The following BTRC variants were observed in gnomAD, a reference collection of about 807,000 sequenced individuals.
The protein encoded by BTRC is F-box/WD repeat-containing protein 1A.
In BTRC, 42 loss-of-function variants were observed where a neutral mutation model predicts 85.5. The observed-to-expected ratio is 0.49, with a 90% CI of 0.38 to 0.64. BTRC has a LOEUF of 0.64. BTRC is among the 30% of genes least tolerant of loss of function. The pLI is 0.00. For missense variants in BTRC, 594 were observed against 743.5 expected, an observed-to-expected ratio of 0.80 and a Z score of 2.34; for synonymous variants, 255 against 263.3, an observed-to-expected ratio of 0.97 and a Z score of 0.30.
At chr10:101,410,794 A>G (rs1258655160) in intron 1 of BTRC, among the ~76,000 whole-genome samples, 1 of 152,088 alleles carries the variant, frequency 6.6e-6, no homozygotes, top group Non-Finnish European at 1.5e-5. Context: ...CTTTAACTTA[A>G]CACAGCCTGG....
chr10:101,532,487 C>G, intron 8 of BTRC, 55 bp downstream of exon 8: 4 of 1,523,786 alleles, frequency 2.6e-6, no homozygotes, highest in Non-Finnish European at 2.6e-6. Context: ...TGACCACATT[C>G]ATAGCGCAGT....
chr10:101,550,312 T>C (rs1448712922), intron 13 of BTRC, among the ~76,000 whole-genome samples: 1 of 151,868 alleles, frequency 6.6e-6, no homozygotes, highest in African/African-American at 2.4e-5. Context: ...TTAGACAGAG[T>C]CTCACTCTGT....
Position 101,554,120 on chromosome 10 carries a change from A to C in BTRC, c.*997A>C, listed in dbSNP as rs1041243180. ...CAATGGCTGCATCTTTTCTGGACTC[A>C]GCAGTCTCCTTGATTCCATGTAGAG... is the stretch of plus-strand genomic sequence containing the variant. On this transcript the variant is annotated 3_prime_UTR_variant, in exon 15 of 15. Coordinates refer to ENST00000370187, the MANE Select transcript of BTRC (RefSeq NM_033637.4). The C allele has an allele frequency of 5.3e-5, 8 of 152,248 alleles. No individual in the cohort carries two copies. The highest frequency in any genetic ancestry group is 7.3e-5 in the Non-Finnish European group (5 of 68,058). 9.4% of individuals were successfully genotyped at this position (152,248 alleles called of 1,614,324 possible). A position where few individuals can be genotyped will look rare whatever the true frequency, so the allele number is the denominator to read the frequency against.
chr10:101,404,002 G>GTGTA (rs1344147413), intron 1 of BTRC, among the ~76,000 whole-genome samples: 3 of 61,766 alleles, frequency 4.9e-5, no homozygotes, highest in African/African-American at 7.2e-5. Flanking sequence ...GTGTGTGTGT[G>GTGTA]TATATATATA....
chr10:101,425,534 A>G (rs1431212105), intron 1 of BTRC, among the ~76,000 whole-genome samples: 1 of 152,104 alleles, frequency 6.6e-6, no homozygotes, highest in Non-Finnish European at 1.5e-5. Context: ...GACTGCATGT[A>G]AGGAGTAGGT....
At chr10:101,358,808 A>G (rs955892300) in intron 1 of BTRC, among the ~76,000 whole-genome samples, 1 of 152,098 alleles carries the variant, frequency 6.6e-6, no homozygotes, top group Non-Finnish European at 1.5e-5. Context: ...TGGAAGTCCA[A>G]GAATGTCACT....
intron 1 of BTRC, among the ~76,000 whole-genome samples, chr10:101,385,486 T>C (rs945091098): frequency 2.0e-5 from 3 of 151,274 alleles, no homozygotes; most frequent in Non-Finnish European, 4.4e-5. Flanking sequence ...AAATGTATCA[T>C]TTGTCTTATC....
chr10:101,357,573 C>T (rs1414167001), intron 1 of BTRC, among the ~76,000 whole-genome samples: 1 of 151,994 alleles, frequency 6.6e-6, no homozygotes, highest in South Asian at 2.1e-4. Flanking sequence ...TGGTCTTAAC[C>T]TTTCCCTCAA....
rs191740404 is a variant in BTRC at position 101,479,962 on chromosome 10, T to G, written c.324+505T>G. Among the ~76,000 whole-genome samples, 37 of 152,324 alleles carry G rather than the reference T, an allele frequency of 2.4e-4. 1 individual carries two copies. Among genetic ancestry groups the G allele is most frequent in the Admixed American group, 2.3e-3 (35 of 15,306 alleles). On this transcript the variant is annotated intron_variant, in intron 4 of 14. Transcript: ENST00000370187. ...ATGTGTATGGGCTACCTCTTTTTCA[T>G]GTATATATGTCATCTCTATAGCCTA...
In BTRC at chr10:101,531,124, TCA is replaced by T. The variant is rs2062274112; in HGVS notation, c.744-109_744-108del. The T allele has an allele frequency of 3.7e-6, 3 of 818,204 alleles. No individual in the cohort carries two copies. The East Asian group carries it at 9.0e-5, about 25-fold the overall frequency. 50.7% of individuals were successfully genotyped at this position (818,204 alleles called of 1,614,324 possible). A position where few individuals can be genotyped will look rare whatever the true frequency, so the allele number is the denominator to read the frequency against. On this transcript the variant is annotated intron_variant, in intron 6 of 14. Transcript: ENST00000370187. ...AAGCGGAGGTTGCAGTGAGCCAACATCACACTGCTGCACTCCAGCCTGGGCAA... is the reference window on the plus strand; with the variant it reads ...AAGCGGAGGTTGCAGTGAGCCAACATCACTGCTGCACTCCAGCCTGGGCAA...
intron 1 of BTRC, among the ~76,000 whole-genome samples, chr10:101,418,273 C>T (rs541531350): frequency 1.6e-4 from 24 of 152,068 alleles, no homozygotes; most frequent in African/African-American, 5.3e-4. Flanking sequence ...GAGGCTGAGG[C>T]AGGAGAATCG....
intron 3 of BTRC, among the ~76,000 whole-genome samples, chr10:101,468,933 A>G (rs1232779672): frequency 6.6e-6 from 1 of 152,228 alleles, no homozygotes; most frequent in Non-Finnish European, 1.5e-5. Context: ...ATTGTAAAAA[A>G]TTAAACTCTT....
At chr10:101,426,204 A>G (rs1944248068) in intron 1 of BTRC, among the ~76,000 whole-genome samples, 1 of 152,096 alleles carries the variant, frequency 6.6e-6, no homozygotes, top group African/African-American at 2.4e-5. Flanking sequence ...TTTATTTTGT[A>G]ATAATATTTT....
intron 2 of BTRC, among the ~76,000 whole-genome samples, chr10:101,454,110 A>G (rs1171618568): frequency 7.4e-6 from 1 of 134,646 alleles, no homozygotes; most frequent in Non-Finnish European, 1.7e-5. Flanking sequence ...TGCTATTAAA[A>G]ACAAAACAAA....
chr10:101,429,932 A>G (rs1944359837), intron 1 of BTRC, among the ~76,000 whole-genome samples: 1 of 151,196 alleles, frequency 6.6e-6, no homozygotes, highest in South Asian at 2.1e-4. Flanking sequence ...TAATATTGTA[A>G]TGTTTCTGTG....
At chr10:101,532,254 G>T in intron 7 of BTRC, 41 bp from the exon 8 acceptor site, 2 of 1,576,242 alleles carry the variant, frequency 1.3e-6, no homozygotes, top group African/African-American at 2.7e-5. Context: ...TTGATTCTAG[G>T]TGTTTCCTAA....
chr10:101,485,932 G>A (rs951784998), intron 4 of BTRC, among the ~76,000 whole-genome samples: 1 of 152,220 alleles, frequency 6.6e-6, no homozygotes, highest in Non-Finnish European at 1.5e-5. Flanking sequence ...CACCCGCACA[G>A]AGAGATCACA....
chr10:101,511,900 C>T (rs1393983401), intron 4 of BTRC, among the ~76,000 whole-genome samples: 2 of 152,236 alleles, frequency 1.3e-5, no homozygotes, highest in African/African-American at 2.4e-5. Flanking sequence ...ATCTGTCCGC[C>T]TCAGCCTCCC....
intron 13 of BTRC, among the ~76,000 whole-genome samples, chr10:101,547,664 T>G (rs920278630): frequency 6.6e-6 from 1 of 152,190 alleles, no homozygotes; most frequent in Non-Finnish European, 1.5e-5. Context: ...ATTGCCCTTA[T>G]GTTTAGCAAT....
Sources: gnomAD v4.1 joint callset for allele counts (sites outside exome capture counted in the v4.1 genomes callset) on GRCh38, gnomAD v4.1.1 for gene constraint, MANE v1.5 for transcripts, NCBI Gene and HGNC (gene_info 2026-07-23, HGNC 2026-07-21) for gene names.